Variants in SLIT3 observed in about 807,000 individuals in gnomAD.
SLIT3 encodes the protein slit homolog 3 protein.
SLIT3 carries 68 observed loss-of-function variants against 184.0 expected under a neutral mutation model. That is an observed-to-expected ratio of 0.37 (90% confidence interval 0.30 to 0.45). The LOEUF (loss-of-function observed/expected upper bound fraction) is 0.45. Among genes scored for constraint, SLIT3 ranks in the 20% least tolerant of loss-of-function variants. SLIT3 has a pLI of 1.00. For missense variants in SLIT3, 1,707 were observed against 2,026.0 expected (o/e 0.84, Z 3.02); for synonymous variants, 831 against 828.6 (o/e 1.00, Z -0.05).
intron 4 of SLIT3, among the ~76,000 whole-genome samples, chr5:168,992,696 G>A (rs1340510004): frequency 2.6e-5 from 4 of 152,214 alleles, no homozygotes; most frequent in African/African-American, 7.2e-5. Flanking sequence ...CCCTGCCCCA[G>A]TCCCTGATGT....
intron 10 of SLIT3, among the ~76,000 whole-genome samples, chr5:168,792,939 T>C (rs1385176376): frequency 2.0e-5 from 3 of 152,338 alleles, no homozygotes; most frequent in East Asian, 3.9e-4. Context: ...ATGCACAAAA[T>C]TATTAAAAAC....
intron 7 of SLIT3, among the ~76,000 whole-genome samples, chr5:168,822,997 A>C (rs1342300621): frequency 6.6e-6 from 1 of 152,238 alleles, no homozygotes; most frequent in Non-Finnish European, 1.5e-5. Context: ...CACAGGAAGA[A>C]TTCCCACAGT....
At chr5:169,116,635 T>G (rs577897242) in intron 4 of SLIT3, among the ~76,000 whole-genome samples, 1 of 152,216 alleles carries the variant, frequency 6.6e-6, no homozygotes, top group Admixed American at 6.5e-5. Flanking sequence ...GATAAGATGA[T>G]AGTCCATGCA....
At chr5:168,795,293 T>A (rs1424037151) in intron 10 of SLIT3, among the ~76,000 whole-genome samples, 1 of 152,198 alleles carries the variant, frequency 6.6e-6, no homozygotes, top group Non-Finnish European at 1.5e-5. Context: ...GAGAGGCTCT[T>A]AGCGCTACAT....
At chr5:169,031,331 G>A (rs1012596515) in intron 4 of SLIT3, among the ~76,000 whole-genome samples, 1 of 152,192 alleles carries the variant, frequency 6.6e-6, no homozygotes, top group African/African-American at 2.4e-5. Flanking sequence ...TGGGACTAGA[G>A]GGGTAGAAAA....
At chr5:168,868,892 A>G (rs1759410904) in intron 5 of SLIT3, among the ~76,000 whole-genome samples, 1 of 152,214 alleles carries the variant, frequency 6.6e-6, no homozygotes, top group Admixed American at 6.5e-5. Flanking sequence ...ACCAGCTAGC[A>G]AAACAGAAAG....
intron 5 of SLIT3, among the ~76,000 whole-genome samples, chr5:168,845,805 G>T (rs113576974): frequency 0.015 from 2,217 of 152,232 alleles, 58 homozygotes; most frequent in African/African-American, 0.051. Flanking sequence ...TGTTGTACTC[G>T]GTCTGCAGAG....
At chr5:169,207,975 A>G (rs941695162) in intron 3 of SLIT3, among the ~76,000 whole-genome samples, 1 of 152,186 alleles carries the variant, frequency 6.6e-6, no homozygotes, top group Non-Finnish European at 1.5e-5. Flanking sequence ...AGCCACCCAG[A>G]GTATGCTATT....
At chr5:168,810,461 C>T (rs551822225) in intron 8 of SLIT3, among the ~76,000 whole-genome samples, 1 of 152,172 alleles carries the variant, frequency 6.6e-6, no homozygotes, top group Admixed American at 6.5e-5. Context: ...TGTGGACTTG[C>T]TCTGCATGTC....
At chr5:169,209,388 T>C (rs1015894128) in intron 3 of SLIT3, among the ~76,000 whole-genome samples, 1 of 152,222 alleles carries the variant, frequency 6.6e-6, no homozygotes, top group Non-Finnish European at 1.5e-5. Flanking sequence ...TGGAAGACAA[T>C]GTGGCGATTC....
intron 4 of SLIT3, among the ~76,000 whole-genome samples, chr5:169,001,692 G>A (rs543513986): frequency 6.6e-6 from 1 of 152,214 alleles, no homozygotes; most frequent in South Asian, 2.1e-4. Flanking sequence ...TAATATCTCT[G>A]GAACCCAGGA....
intron 17 of SLIT3, among the ~76,000 whole-genome samples, chr5:168,753,336 A>G (rs1754783508): frequency 6.6e-6 from 1 of 152,236 alleles, no homozygotes; most frequent in African/African-American, 2.4e-5. Flanking sequence ...CATGTCATGC[A>G]TATGTGTGTA....
chr5:168,825,595 G>A (rs945992946), intron 6 of SLIT3, among the ~76,000 whole-genome samples: 1 of 152,208 alleles, frequency 6.6e-6, no homozygotes, highest in African/African-American at 2.4e-5. Context: ...CGCCAATGCA[G>A]GTATTTGGCA....
chr5:168,982,229 A>T (rs1754974554), intron 4 of SLIT3, among the ~76,000 whole-genome samples: 1 of 152,214 alleles, frequency 6.6e-6, no homozygotes, highest in African/African-American at 2.4e-5. Context: ...CCAGTGTGGC[A>T]GTATGGAGAG....
chr5:168,876,029 TC>T (rs1274256841), intron 5 of SLIT3, among the ~76,000 whole-genome samples: 2 of 151,904 alleles, frequency 1.3e-5, no homozygotes, highest in Non-Finnish European at 2.9e-5. Flanking sequence ...TTTTCCTAAA[TC>T]CCCCTTCAAG....
chr5:168,748,155 C>T, intron 20 of SLIT3, 147 bp downstream of exon 20: 1 of 895,216 alleles, frequency 1.1e-6, no homozygotes, highest in Non-Finnish European at 1.6e-6. Context: ...GTGAGGGCTC[C>T]ACTGCCATCT....
chr5:169,222,452 C>T (rs905781954), intron 3 of SLIT3, among the ~76,000 whole-genome samples: 8 of 152,110 alleles, frequency 5.3e-5, no homozygotes, highest in Non-Finnish European at 1.0e-4. Flanking sequence ...ACAGTACATG[C>T]TCAATATCAA....
chr5:169,024,684 G>A (rs1029447824), intron 4 of SLIT3: 2 of 152,192 alleles, frequency 1.3e-5, no homozygotes, highest in Non-Finnish European at 2.9e-5. Flanking sequence ...CCTGGGCTCT[G>A]TGCCTTGCCC....
intron 6 of SLIT3, among the ~76,000 whole-genome samples, chr5:168,834,686 CAAAAAAAAAAAAAAAAAAAAAA>C (rs540528948): frequency 1.1e-4 from 4 of 37,414 alleles, no homozygotes; most frequent in South Asian, 2.1e-3. Context: ...GACTCTGTCT[CAAAAAAAAAAAAAAAAAAAAAA>C]AAAAAAAAAA....
Sources: gnomAD v4.1 joint callset for allele counts (sites outside exome capture counted in the v4.1 genomes callset) on GRCh38, gnomAD v4.1.1 for gene constraint, MANE v1.5 for transcripts, NCBI Gene and HGNC (gene_info 2026-07-23, HGNC 2026-07-21) for gene names.